Variants in CNTN4 observed in about 807,000 individuals in gnomAD.
CNTN4 encodes contactin-4.
Under a neutral mutation model 122.5 loss-of-function variants are expected in CNTN4, and 77 were observed. That is an observed-to-expected ratio of 0.63 (90% CI 0.52 to 0.76). The LOEUF is 0.76. Among genes scored for constraint, CNTN4 ranks in the 30% least tolerant of loss-of-function variants. The pLI is 0.00. For synonymous variants in CNTN4, 512 were observed against 447.0 expected, an observed-to-expected ratio of 1.15 and a Z score of -1.83; for missense variants, 1,256 against 1,259.1, an observed-to-expected ratio of 1.00 and a Z score of 0.04.
At chr3:3,022,326 G>A (rs982251432) in intron 14 of CNTN4, among the ~76,000 whole-genome samples, 10 of 152,260 alleles carry the variant, frequency 6.6e-5, no homozygotes, top group South Asian at 6.2e-4. Context: ...TTGCTTGAGC[G>A]CAAGAATTTG....
intron 2 of CNTN4, among the ~76,000 whole-genome samples, chr3:2,110,141 T>G (rs1417042779): frequency 1.3e-5 from 2 of 152,238 alleles, no homozygotes; most frequent in Non-Finnish European, 2.9e-5. Context: ...TTTGGTGGTT[T>G]AGAATAGAGT....
At chr3:2,559,288 G>T (rs771427078) in intron 3 of CNTN4, among the ~76,000 whole-genome samples, 5 of 152,122 alleles carry the variant, frequency 3.3e-5, no homozygotes, top group African/African-American at 9.7e-5. Context: ...GGCAAACTTC[G>T]CAAAGTGATT....
intron 4 of CNTN4, among the ~76,000 whole-genome samples, chr3:2,667,403 C>T (rs899212684): frequency 6.6e-6 from 1 of 152,148 alleles, no homozygotes; most frequent in African/African-American, 2.4e-5. Flanking sequence ...TGAGAACTGT[C>T]TGTTCATATC....
chr3:2,390,691 C>G (rs1403525438), intron 3 of CNTN4, among the ~76,000 whole-genome samples: 1 of 152,048 alleles, frequency 6.6e-6, no homozygotes, highest in Non-Finnish European at 1.5e-5. Context: ...TTTTTCCCCA[C>G]CTAACTTCCT....
At chr3:2,195,990 C>T (rs1368472588) in intron 2 of CNTN4, among the ~76,000 whole-genome samples, 2 of 152,050 alleles carry the variant, frequency 1.3e-5, no homozygotes, top group Non-Finnish European at 2.9e-5. Flanking sequence ...TTGTCTGATC[C>T]ATTTTTGAGT....
chr3:2,541,611 G>T (rs559846664), intron 3 of CNTN4, among the ~76,000 whole-genome samples: 1 of 152,116 alleles, frequency 6.6e-6, no homozygotes, highest in Admixed American at 6.6e-5. Flanking sequence ...ATTTTCTCAG[G>T]ATATCTGACA....
At chr3:2,592,773 T>G (rs73805345) in intron 4 of CNTN4, among the ~76,000 whole-genome samples, 1 of 152,352 alleles carries the variant, frequency 6.6e-6, no homozygotes, top group Non-Finnish European at 1.5e-5. Flanking sequence ...ATACAGTTAG[T>G]TTAACCACTC....
At chr3:2,423,122 G>A (rs1404789498) in intron 3 of CNTN4, among the ~76,000 whole-genome samples, 1 of 152,178 alleles carries the variant, frequency 6.6e-6, no homozygotes, top group Non-Finnish European at 1.5e-5. Context: ...TGATTCATCT[G>A]AGAACAGTCT....
intron 16 of CNTN4, among the ~76,000 whole-genome samples, chr3:3,033,374 C>G (rs1234062491): frequency 6.6e-6 from 1 of 152,100 alleles, no homozygotes; most frequent in Non-Finnish European, 1.5e-5. Flanking sequence ...TTTAGTCTCA[C>G]CTGTGGGTCT....
At chr3:2,674,917 A>G (rs558444882) in intron 4 of CNTN4, among the ~76,000 whole-genome samples, 10 of 152,184 alleles carry the variant, frequency 6.6e-5, no homozygotes, top group Admixed American at 1.3e-4. Flanking sequence ...AGTAGCCTCT[A>G]TTCTACTCTC....
chr3:2,765,789 C>A (rs568608004), intron 6 of CNTN4, among the ~76,000 whole-genome samples: 28 of 152,268 alleles, frequency 1.8e-4, no homozygotes, highest in Non-Finnish European at 3.1e-4. Context: ...AAGAAATCTT[C>A]ATATGCCAAG....
At chr3:2,652,753 G>C (rs1391185560) in intron 4 of CNTN4, among the ~76,000 whole-genome samples, 3 of 152,096 alleles carry the variant, frequency 2.0e-5, no homozygotes, top group Non-Finnish European at 4.4e-5. Context: ...GTGCAGAGTG[G>C]ATCTCGTGTG....
intron 2 of CNTN4, among the ~76,000 whole-genome samples, chr3:2,291,212 T>G (rs1346950203): frequency 1.3e-5 from 2 of 152,184 alleles, no homozygotes; most frequent in African/African-American, 4.8e-5. Flanking sequence ...ATTATAATTT[T>G]TTTGGTATCA....
At chr3:2,560,766 A>G (rs1451530094) in intron 3 of CNTN4, among the ~76,000 whole-genome samples, 1 of 152,202 alleles carries the variant, frequency 6.6e-6, no homozygotes, top group Non-Finnish European at 1.5e-5. Flanking sequence ...CCAGTAGAGT[A>G]AAATAATCTC....
intron 7 of CNTN4, among the ~76,000 whole-genome samples, chr3:2,843,603 C>A (rs1427763912): frequency 1.3e-5 from 2 of 152,210 alleles, no homozygotes; most frequent in Non-Finnish European, 2.9e-5. Flanking sequence ...GCCGTCCTCA[C>A]AACAGTGAGT....
chr3:2,264,076 G>A (rs931817458), intron 2 of CNTN4, among the ~76,000 whole-genome samples: 3 of 152,116 alleles, frequency 2.0e-5, no homozygotes, highest in South Asian at 2.1e-4. Context: ...CAGTAAGCAC[G>A]GCAGTGCAGA....
At chr3:2,317,470 A>C (rs1037481484) in intron 2 of CNTN4, among the ~76,000 whole-genome samples, 4 of 152,164 alleles carry the variant, frequency 2.6e-5, no homozygotes, top group Admixed American at 6.5e-5. Flanking sequence ...TCTAAGCAAA[A>C]TTGTGCAGGT....
chr3:2,407,621 G>A (rs1361496362), intron 3 of CNTN4, among the ~76,000 whole-genome samples: 2 of 152,112 alleles, frequency 1.3e-5, no homozygotes, highest in Non-Finnish European at 2.9e-5. Context: ...CACATACTTC[G>A]TACTTGCTTC....
chr3:2,214,934 A>C (rs1299605477), intron 2 of CNTN4, among the ~76,000 whole-genome samples: 1 of 152,264 alleles, frequency 6.6e-6, no homozygotes, highest in Non-Finnish European at 1.5e-5. Context: ...TTTTAAAACT[A>C]AATTATAAAT....
Sources: allele counts gnomAD v4.1 joint callset (sites outside exome capture counted in the v4.1 genomes callset), GRCh38; gene constraint gnomAD v4.1.1; transcripts MANE v1.5; gene names NCBI Gene and HGNC (gene_info 2026-07-23, HGNC 2026-07-21).